The following BRMS1L variants were observed in gnomAD, a reference collection of about 807,000 sequenced individuals.
The protein encoded by BRMS1L is BRMS1 like transcriptional repressor, also known as breast cancer metastasis-suppressor 1-like protein.
Under a neutral mutation model 50.3 loss-of-function variants are expected in BRMS1L, and 23 were observed. That is an observed-to-expected ratio of 0.46 (90% CI 0.33 to 0.65). BRMS1L has a LOEUF of 0.65. Ranked by LOEUF, BRMS1L falls within the 30% of genes least tolerant of loss-of-function variation. BRMS1L has a pLI of 0.02. For synonymous variants in BRMS1L, 114 were observed against 126.9 expected, an observed-to-expected ratio of 0.90 and a Z score of 0.69; for missense variants, 286 against 386.1, an observed-to-expected ratio of 0.74 and a Z score of 2.17.
chr14:35,867,879 TA>T, intron 8 of BRMS1L, 26 bp from the exon 9 acceptor site: 1 of 1,547,528 alleles, frequency 6.5e-7, no homozygotes, highest in South Asian at 1.3e-5. Flanking sequence ...TTTATTAATA[TA>T]ACAGTTTTTG....
intron 8 of BRMS1L, among the ~76,000 whole-genome samples, chr14:35,866,570 C>T (rs1394415788): frequency 2.0e-5 from 3 of 151,996 alleles, no homozygotes; most frequent in Admixed American, 6.6e-5. Context: ...CCAGGCTTGG[C>T]GGTGTGTACT....
chr14:35,848,568 G>A (rs2078167164), intron 4 of BRMS1L, among the ~76,000 whole-genome samples: 1 of 151,962 alleles, frequency 6.6e-6, no homozygotes, highest in Non-Finnish European at 1.5e-5. Flanking sequence ...TATTCCCCCT[G>A]TCTAACTGAA....
intron 4 of BRMS1L, among the ~76,000 whole-genome samples, chr14:35,846,510 C>T (rs867878797): frequency 5.8e-4 from 88 of 151,872 alleles, no homozygotes; most frequent in African/African-American, 2.0e-3. Context: ...CTTTTCTAAA[C>T]TTTCATGATC....
chr14:35,851,789 C>G (rs2078214695), intron 4 of BRMS1L, among the ~76,000 whole-genome samples: 1 of 152,210 alleles, frequency 6.6e-6, no homozygotes, highest in Non-Finnish European at 1.5e-5. Context: ...GAGCCAGCAA[C>G]CCCTCTTCCA....
At chr14:35,852,182 A>G (rs1280475493) in intron 4 of BRMS1L, among the ~76,000 whole-genome samples, 1 of 152,232 alleles carries the variant, frequency 6.6e-6, no homozygotes, top group East Asian at 1.9e-4. Flanking sequence ...ACGACAGAAC[A>G]TGAACCAGAA....
At position 35,862,697 on chromosome 14, in the gene BRMS1L, T is replaced by C. The variant is rs760023507; in HGVS notation, c.538+11T>C. 1.3e-5 allele frequency: 20 copies of C among 1,591,176 alleles called. No individual in the cohort carries two copies. The highest frequency in any genetic ancestry group is 1.6e-5 in the Non-Finnish European group (19 of 1,163,616). On this transcript the variant is annotated intron_variant, in intron 5 of 9. Transcript: ENST00000216807. ...TTGATATTACCTCAGGTAAGGAGAA[T>C]GATATGATTGTGATGTTTGAGTGGC...
At chr14:35,869,169 T>G (rs186617826) in intron 9 of BRMS1L, among the ~76,000 whole-genome samples, 1 of 152,330 alleles carries the variant, frequency 6.6e-6, no homozygotes, top group East Asian at 1.9e-4. Context: ...CTCATTGAAC[T>G]ACTAGTTTAT....
At position 35,826,483 on chromosome 14, in the gene BRMS1L, C is replaced by T; in HGVS notation, c.-34C>T. The T allele has an allele frequency of 1.3e-6, 2 of 1,557,518 alleles. No individual in the cohort carries two copies. The highest frequency in any genetic ancestry group is 2.4e-5 in the East Asian group (1 of 42,128). Reference sequence around the variant, plus strand: ...TTGAAGCGGCGGTGGCCGGGCTGGGCGCCGGTAGTGGAAAGCGACGGCGCG... The same window carrying T: ...TTGAAGCGGCGGTGGCCGGGCTGGGTGCCGGTAGTGGAAAGCGACGGCGCG... On this transcript the variant is annotated 5_prime_UTR_variant, in exon 1 of 10. Transcript: ENST00000216807.
intron 4 of BRMS1L, among the ~76,000 whole-genome samples, chr14:35,853,020 A>ATCTATCTATCTG (rs2078233656): frequency 6.6e-6 from 1 of 150,606 alleles, no homozygotes; most frequent in South Asian, 2.1e-4. Context: ...CTATCTATAT[A>ATCTATCTATCTG]TAGAGAGAGA....
At chr14:35,865,606 A>T (rs2078409714) in intron 7 of BRMS1L, 116 bp from the exon 8 acceptor site, 3 of 781,094 alleles carry the variant, frequency 3.8e-6, no homozygotes, top group South Asian at 1.7e-5. Context: ...GTTATACTTT[A>T]CTGTCTTTGT....
chr14:35,847,026 G>A (rs766241816), intron 4 of BRMS1L, among the ~76,000 whole-genome samples: 14 of 152,114 alleles, frequency 9.2e-5, no homozygotes, highest in Non-Finnish European at 1.8e-4. Context: ...CTAGGCTGGA[G>A]TGCAGTGGCG....
chr14:35,854,262 T>A lies in BRMS1L; in HGVS notation c.442-8328T>A, dbSNP rs1266140982. 2.6e-5 allele frequency among the ~76,000 whole-genome samples: 4 copies of A among 152,162 alleles called. No homozygotes were observed. In the East Asian group the frequency reaches 7.7e-4, roughly 29 times the overall value. On this transcript the variant is annotated intron_variant, in intron 4 of 9. Coordinates refer to ENST00000216807, the MANE Select transcript of BRMS1L (RefSeq NM_032352.4). ...AGAGTCTCTTAGTGGTAAACTCAGT[T>A]TTTATTCATCTGAAAATAGCTTTAT... is the stretch of plus-strand genomic sequence containing the variant.
intron 4 of BRMS1L, among the ~76,000 whole-genome samples, chr14:35,851,091 T>C (rs1238130849): frequency 1.3e-5 from 2 of 152,228 alleles, no homozygotes; most frequent in Non-Finnish European, 2.9e-5. Flanking sequence ...CACAGTCTGA[T>C]TTGTCTTTTG....
intron 4 of BRMS1L, among the ~76,000 whole-genome samples, chr14:35,842,448 C>T (rs560797505): frequency 2.0e-5 from 3 of 152,126 alleles, no homozygotes; most frequent in Non-Finnish European, 4.4e-5. Flanking sequence ...CTTAGTTTGG[C>T]TGGGTATGAA....
intron 4 of BRMS1L, among the ~76,000 whole-genome samples, chr14:35,840,922 A>G (rs550267652): frequency 6.6e-6 from 1 of 151,904 alleles, no homozygotes; most frequent in East Asian, 1.9e-4. Context: ...TTGCTTCTCT[A>G]GTTCTTTTAA....
Position 35,862,676 on chromosome 14 carries a change from T to C in BRMS1L, c.528T>C (p.Asp176=), listed in dbSNP as rs2078367875. ...TTGAAGAGGATAGGCACAGCATTGA[T>C]ATTACCTCAGGTAAGGAGAATGATA... The part of the protein sequence containing the change: ...RRLEEDRHSI[D]ITSELWNDEL... The change falls in exon 5 of 10, where the codon GAT becomes GAC. Residue 176 remains aspartate (D), a synonymous_variant. Transcript: ENST00000216807. 1 of 1,607,558 alleles carries C rather than the reference T, an allele frequency of 6.2e-7. No homozygotes were observed. The highest frequency in any genetic ancestry group is 8.5e-7 in the Non-Finnish European group (1 of 1,175,966).
Position 35,870,575 on chromosome 14 carries a change from T to G in BRMS1L, c.*98T>G, listed in dbSNP as rs1200567203. ...GTATTCAATAACTTAATATTCTCAC[T>G]GAATCATGAGAGAATGTGTATTTGT... On this transcript the variant is annotated 3_prime_UTR_variant, in exon 10 of 10. Coordinates refer to ENST00000216807, the MANE Select transcript of BRMS1L (RefSeq NM_032352.4). 2.9e-6 allele frequency: 2 copies of G among 691,024 alleles called. No homozygotes were observed. The highest frequency in any genetic ancestry group is 5.1e-6 in the Non-Finnish European group (2 of 395,960). 42.8% of individuals were successfully genotyped at this position (691,024 alleles called of 1,614,324 possible).
intron 4 of BRMS1L, among the ~76,000 whole-genome samples, chr14:35,852,811 A>G (rs1385177195): frequency 6.6e-6 from 1 of 152,028 alleles, no homozygotes; most frequent in Admixed American, 6.6e-5. Context: ...GGCACCTGTA[A>G]TCCCAGCTAC....
rs571780640 is a variant in BRMS1L at position 35,832,532 on chromosome 14, GAATACAGT to G, written c.234-440_234-433del. ...AAAAAAAAAAAAAATTAAGTAGGCTGAATACAGTAATACTGACTCCTTTTCAGGAACGG... is the reference window on the plus strand; with the variant it reads ...AAAAAAAAAAAAAATTAAGTAGGCTGAATACTGACTCCTTTTCAGGAACGG... On this transcript the variant is annotated intron_variant, in intron 2 of 9. Transcript: ENST00000216807. 4.8e-3 allele frequency among the ~76,000 whole-genome samples: 730 copies of G among 151,696 alleles called. 3 individuals are homozygous for G. Among genetic ancestry groups the G allele is most frequent in the African/African-American group, 0.017 (692 of 41,332 alleles).
Sources: allele counts gnomAD v4.1 joint callset (sites outside exome capture counted in the v4.1 genomes callset), GRCh38; gene constraint gnomAD v4.1.1; transcripts MANE v1.5; gene names NCBI Gene and HGNC (gene_info 2026-07-23, HGNC 2026-07-21).